EHMT1: variants seen among roughly 807,000 people sequenced by gnomAD.
The protein encoded by EHMT1 is histone-lysine N-methyltransferase EHMT1.
A neutral mutation model predicts 147.2 loss-of-function variants in EHMT1; 15 were observed. The observed-to-expected ratio is 0.10, with a 90% confidence interval of 0.07 to 0.16. The LOEUF is 0.16. EHMT1 is among the 10% of genes least tolerant of loss of function. The pLI, the probability that EHMT1 is intolerant of heterozygous loss-of-function variation, is 1.00. For missense variants in EHMT1, 1,587 were observed against 1,772.4 expected (o/e 0.90, Z 1.88); for synonymous variants, 795 against 709.6 (o/e 1.12, Z -1.91).
chr9:137,726,374 TG>T (rs1192202783), intron 3 of EHMT1, among the ~76,000 whole-genome samples: 3 of 152,202 alleles, frequency 2.0e-5, no homozygotes, highest in East Asian at 3.8e-4. Context: ...GTACAACGTT[TG>T]TTCTTTTGTG....
At chr9:137,646,057 C>T (rs1215063106) in intron 1 of EHMT1, among the ~76,000 whole-genome samples, 1 of 152,042 alleles carries the variant, frequency 6.6e-6, no homozygotes, top group East Asian at 1.9e-4. Flanking sequence ...CTCCCGGATT[C>T]AAGCAGTTCT....
At chr9:137,751,192 A>G (rs879929766) in intron 6 of EHMT1, among the ~76,000 whole-genome samples, 41 of 152,232 alleles carry the variant, frequency 2.7e-4, no homozygotes, top group Admixed American at 1.0e-3. Context: ...GTTTTTTCCA[A>G]TCTCAAATGA....
chr9:137,795,160 C>G (rs1038465860), intron 16 of EHMT1: 1 of 152,172 alleles, frequency 6.6e-6, no homozygotes, highest in Admixed American at 6.5e-5. Context: ...TGAAGTTCTT[C>G]TGCCATATTC....
chr9:137,713,166 G>A (rs1331026187), intron 2 of EHMT1, among the ~76,000 whole-genome samples: 34 of 152,068 alleles, frequency 2.2e-4, no homozygotes, highest in Non-Finnish European at 5.9e-5. Flanking sequence ...TGTGATCATG[G>A]CTTACTCTAG....
intron 1 of EHMT1, among the ~76,000 whole-genome samples, chr9:137,693,547 C>G (rs998060390): frequency 6.6e-6 from 1 of 151,966 alleles, no homozygotes; most frequent in African/African-American, 2.4e-5. Flanking sequence ...ACCCACCACG[C>G]AGTGGTGCAG....
At chr9:137,773,883 T>C (rs1564733308) in intron 10 of EHMT1, among the ~76,000 whole-genome samples, 1 of 152,234 alleles carries the variant, frequency 6.6e-6, no homozygotes, top group African/African-American at 2.4e-5. Context: ...GGCTACTTCT[T>C]GTTTTCTTAT....
Position 137,776,582 on chromosome 9 carries a change from T to G in EHMT1, c.1792-36T>G, listed in dbSNP as rs1390645185. 1.2e-6 allele frequency: 2 copies of G among 1,611,650 alleles called. No individual in the cohort carries two copies. The highest frequency in any genetic ancestry group is 1.7e-6 in the Non-Finnish European group (2 of 1,178,214). ...TATTTTTCTAAATATTAACCCCAATTAAAACAAAAATTTTTTTTTGTCCTC... is the reference window on the plus strand; with the variant it reads ...TATTTTTCTAAATATTAACCCCAATGAAAACAAAAATTTTTTTTTGTCCTC... On this transcript the variant is annotated intron_variant, in intron 11 of 26. Coordinates refer to ENST00000460843, the MANE Select transcript of EHMT1 (RefSeq NM_024757.5). The surrounding 1 kb of genome is among the most constrained non-coding windows in gnomAD (Gnocchi z 4.4).
intron 23 of EHMT1, chr9:137,817,001 A>ACCGCCACCTCCCCTGCCACCCTCCC: frequency 4.2e-6 from 1 of 240,736 alleles, no homozygotes; most frequent in East Asian, 1.1e-4. Context: ...GAAACCCTCG[A>ACCGCCACCTCCCCTGCCACCCTCCC]CCGCCACCTC....
chr9:137,701,576 A>G (rs1371867279), intron 1 of EHMT1, among the ~76,000 whole-genome samples: 2 of 150,360 alleles, frequency 1.3e-5, no homozygotes, highest in East Asian at 3.9e-4. Context: ...CTCCTGCCTC[A>G]GCCTCTTGAG....
At chr9:137,810,860 C>T (rs1204197635) in intron 18 of EHMT1, among the ~76,000 whole-genome samples, 4 of 152,048 alleles carry the variant, frequency 2.6e-5, no homozygotes, top group Admixed American at 6.6e-5. Flanking sequence ...CCACCACGCC[C>T]GGCTCATTTT....
At chr9:137,803,522 G>T (rs1269831285) in intron 18 of EHMT1, among the ~76,000 whole-genome samples, 1 of 152,224 alleles carries the variant, frequency 6.6e-6, no homozygotes, top group East Asian at 1.9e-4. Flanking sequence ...TGCCCATTGT[G>T]TGAATGTGTC....
At chr9:137,800,173 G>A (rs1953339138) in intron 17 of EHMT1, among the ~76,000 whole-genome samples, 1 of 152,232 alleles carries the variant, frequency 6.6e-6, no homozygotes, top group African/African-American at 2.4e-5. Flanking sequence ...TGAGTCTTCT[G>A]CCTTCAGAGT....
chr9:137,695,006 G>A (rs895511049), intron 1 of EHMT1, among the ~76,000 whole-genome samples: 2 of 152,218 alleles, frequency 1.3e-5, no homozygotes, highest in Non-Finnish European at 2.9e-5. Context: ...CACCAGTTAT[G>A]TCAAGGCACC....
At chr9:137,812,502 C>T (rs1295615674) in intron 19 of EHMT1, among the ~76,000 whole-genome samples, 1 of 152,228 alleles carries the variant, frequency 6.6e-6, no homozygotes, top group Non-Finnish European at 1.5e-5. Context: ...CTCCCTGGCC[C>T]CTACACATGG....
chr9:137,817,213 C>T, intron 23 of EHMT1: 1 of 614,132 alleles, frequency 1.6e-6, no homozygotes, highest in Non-Finnish European at 3.0e-6. Flanking sequence ...GGACCAGTGA[C>T]TTGCCGAGGT....
chr9:137,752,238 G>T, intron 6 of EHMT1, 93 bp from the exon 7 acceptor site: 1 of 1,454,314 alleles, frequency 6.9e-7, no homozygotes, highest in South Asian at 1.2e-5. Context: ...TGCCCGTTTC[G>T]AGGTTTGCTT....
At chr9:137,631,307 G>T (rs534947232) in intron 1 of EHMT1, among the ~76,000 whole-genome samples, 27 of 151,500 alleles carry the variant, frequency 1.8e-4, no homozygotes, top group Non-Finnish European at 7.4e-5. Flanking sequence ...CAGGAGAATC[G>T]CTTGAACCCG....
At chr9:137,718,636 A>G (rs952270467) in intron 3 of EHMT1, among the ~76,000 whole-genome samples, 1 of 151,798 alleles carries the variant, frequency 6.6e-6, no homozygotes, top group Non-Finnish European at 1.5e-5. Context: ...CAGCTTCCTT[A>G]CTGGTTCCTC....
chr9:137,629,059 G>T (rs1194585737), intron 1 of EHMT1, among the ~76,000 whole-genome samples: 1 of 151,248 alleles, frequency 6.6e-6, no homozygotes, highest in Non-Finnish European at 1.5e-5. Context: ...TGCTCACTCA[G>T]CAAACCAGGT....
Sources: allele counts gnomAD v4.1 joint callset (sites outside exome capture counted in the v4.1 genomes callset), GRCh38; gene constraint gnomAD v4.1.1; non-coding constraint Gnocchi (gnomAD v3.1); transcripts MANE v1.5; gene names NCBI Gene and HGNC (gene_info 2026-07-23, HGNC 2026-07-21).